The following HIBADH variants were observed in gnomAD, a reference collection of about 807,000 sequenced individuals.
HIBADH encodes 3-hydroxyisobutyrate dehydrogenase.
Under a neutral mutation model 36.1 loss-of-function variants are expected in HIBADH, and 25 were observed. The observed-to-expected ratio is 0.69, with a 90% CI of 0.50 to 0.97. HIBADH has a LOEUF of 0.97. Among genes scored for constraint, HIBADH ranks in the 50% least tolerant of loss-of-function variants. The pLI, the probability that HIBADH is intolerant of heterozygous loss-of-function variation, is 0.00. For synonymous variants in HIBADH, 160 were observed against 149.5 expected (o/e 1.07, Z -0.51); for missense variants, 421 against 418.0 (o/e 1.01, Z -0.06).
At chr7:27,552,019 G>A (rs542537324) in intron 4 of HIBADH, among the ~76,000 whole-genome samples, 5 of 152,278 alleles carry the variant, frequency 3.3e-5, no homozygotes, top group Non-Finnish European at 5.9e-5. Flanking sequence ...GCAGAAAAAG[G>A]CGACAGCTGG....
At chr7:27,552,454 A>C (rs952658172) in intron 4 of HIBADH, among the ~76,000 whole-genome samples, 1 of 152,230 alleles carries the variant, frequency 6.6e-6, no homozygotes, top group Non-Finnish European at 1.5e-5. Context: ...TGAAGAAATA[A>C]GCAATTTTTC....
At chr7:27,528,042 C>T (rs1447222446) in intron 7 of HIBADH, among the ~76,000 whole-genome samples, 5 of 151,032 alleles carry the variant, frequency 3.3e-5, no homozygotes, top group Non-Finnish European at 7.4e-5. Context: ...GGATTACAGG[C>T]ATGAGCCACT....
chr7:27,578,192 AAG>A (rs1218578793), intron 4 of HIBADH, among the ~76,000 whole-genome samples: 5 of 152,248 alleles, frequency 3.3e-5, no homozygotes, highest in South Asian at 2.1e-4. Flanking sequence ...TGTTAAAACT[AAG>A]AGAATCTTTT....
intron 1 of HIBADH, among the ~76,000 whole-genome samples, chr7:27,655,773 A>G (rs1299310278): frequency 6.6e-6 from 1 of 152,094 alleles, no homozygotes; most frequent in Non-Finnish European, 1.5e-5. Flanking sequence ...CTCTAAAAAT[A>G]TACCCAACTT....
intron 1 of HIBADH, among the ~76,000 whole-genome samples, chr7:27,655,549 A>G (rs991425289): frequency 2.6e-5 from 4 of 152,222 alleles, no homozygotes; most frequent in Non-Finnish European, 5.9e-5. Context: ...TAATAAAACA[A>G]GGGGAAAAAG....
chr7:27,628,892 C>G (rs1278162697), intron 4 of HIBADH, among the ~76,000 whole-genome samples: 1 of 152,056 alleles, frequency 6.6e-6, no homozygotes, highest in Non-Finnish European at 1.5e-5. Flanking sequence ...GAAGTATTTC[C>G]TCTTTTCCTG....
chr7:27,649,688 A>G, intron 1 of HIBADH, 55 bp from the exon 2 acceptor site: 1 of 1,429,684 alleles, frequency 7.0e-7, no homozygotes, highest in Non-Finnish European at 9.4e-7. Flanking sequence ...TATTGTAAAC[A>G]TTCATTTAAT....
chr7:27,602,732 C>T (rs1785152614), intron 4 of HIBADH, among the ~76,000 whole-genome samples: 1 of 152,084 alleles, frequency 6.6e-6, no homozygotes, highest in Non-Finnish European at 1.5e-5. Flanking sequence ...GACAAATAAG[C>T]ATTCTCTAAC....
chr7:27,602,214 A>C (rs185258054), intron 4 of HIBADH, among the ~76,000 whole-genome samples: 21 of 152,156 alleles, frequency 1.4e-4, no homozygotes, highest in Admixed American at 1.4e-3. Flanking sequence ...TGGGGATGCT[A>C]TAAGGATGAA....
At chr7:27,562,887 C>G (rs1247314391) in intron 4 of HIBADH, among the ~76,000 whole-genome samples, 1 of 152,102 alleles carries the variant, frequency 6.6e-6, no homozygotes. Context: ...CTGAAAATGT[C>G]TATGTTTAAT....
chr7:27,649,394 TA>T, intron 2 of HIBADH, 78 bp downstream of exon 2: 2 of 1,164,912 alleles, frequency 1.7e-6, no homozygotes, highest in Non-Finnish European at 2.4e-6. Context: ...GGTATACTTC[TA>T]AGAAGCTGTC....
intron 6 of HIBADH, among the ~76,000 whole-genome samples, chr7:27,532,565 C>G (rs12700815): frequency 0.65 from 99,024 of 152,088 alleles, 33,177 homozygotes; most frequent in East Asian, 0.94. Flanking sequence ...CCACATAATA[C>G]AACTGTTATG....
chr7:27,573,889 A>G (rs1234784395), intron 4 of HIBADH, among the ~76,000 whole-genome samples: 1 of 152,200 alleles, frequency 6.6e-6, no homozygotes, highest in East Asian at 1.9e-4. Flanking sequence ...GTTAAATAAA[A>G]TGTATTCCTG....
intron 1 of HIBADH, among the ~76,000 whole-genome samples, chr7:27,656,951 CAAT>C (rs1275747130): frequency 1.3e-5 from 2 of 152,126 alleles, no homozygotes; most frequent in African/African-American, 4.8e-5. Flanking sequence ...GTTGACTCTC[CAAT>C]ATTCTTTCCC....
At chr7:27,574,740 T>C (rs1784683986) in intron 4 of HIBADH, among the ~76,000 whole-genome samples, 1 of 152,218 alleles carries the variant, frequency 6.6e-6, no homozygotes, top group South Asian at 2.1e-4. Context: ...AATCCATGTA[T>C]CTTCCACATC....
At chr7:27,641,716 G>T (rs1172489295) in intron 2 of HIBADH, among the ~76,000 whole-genome samples, 1 of 152,122 alleles carries the variant, frequency 6.6e-6, no homozygotes, top group Non-Finnish European at 1.5e-5. Context: ...CACTTGTTCT[G>T]ATGACATGGC....
chr7:27,526,305 T>A lies in HIBADH; in HGVS notation c.920A>T (p.His307Leu). The A allele has an allele frequency of 6.2e-7, 1 of 1,613,790 alleles. No homozygotes were observed. The highest frequency in any genetic ancestry group is 8.5e-7 in the Non-Finnish European group (1 of 1,179,868). ...TGCACACATCATCCTGTAGATCTGA[T>A]GGGCCAGACTGCCAAGAAGGATTGG... ...KSPILLGSLAHQIYRMMCAKG... is the reference protein window; with the variant it reads ...KSPILLGSLALQIYRMMCAKG... The change falls in exon 8 of 8, where the codon CAT (histidine) becomes CTT (leucine). Residue 307 changes from histidine to leucine, a missense_variant. Transcript: ENST00000265395.
intron 4 of HIBADH, among the ~76,000 whole-genome samples, chr7:27,612,315 CTTTTCCTTTTTT>C (rs1342086670): frequency 1.3e-5 from 2 of 149,944 alleles, no homozygotes; most frequent in Admixed American, 1.3e-4. Flanking sequence ...TTCTCTTTTT[CTTTTCCTTTTTT>C]TTTTCTTTTT....
chr7:27,649,789 T>C (rs767504069), intron 1 of HIBADH, among the ~76,000 whole-genome samples, 156 bp from the exon 2 acceptor site: 18 of 151,912 alleles, frequency 1.2e-4, no homozygotes, highest in African/African-American at 2.4e-4. Flanking sequence ...TCCCAGCTAC[T>C]TGGGAGGCTG....
Sources: allele counts gnomAD v4.1 joint callset (sites outside exome capture counted in the v4.1 genomes callset), GRCh38; gene constraint gnomAD v4.1.1; transcripts MANE v1.5; gene names NCBI Gene and HGNC (gene_info 2026-07-23, HGNC 2026-07-21).